The following GPR158 variants were observed in gnomAD, a reference collection of about 807,000 sequenced individuals.
The protein encoded by GPR158 is G protein-coupled receptor 158, also known as metabotropic glycine receptor.
A neutral mutation model predicts 78.2 loss-of-function variants in GPR158; 30 were observed. The ratio of observed to expected loss-of-function variants is 0.38; its 90% CI spans 0.29 to 0.52. The LOEUF (loss-of-function observed/expected upper bound fraction) is 0.52. Among genes scored for constraint, GPR158 ranks in the 20% least tolerant of loss-of-function variants. GPR158 has a pLI of 0.83. For missense variants in GPR158, 1,463 were observed against 1,523.5 expected (o/e 0.96, Z 0.66); for synonymous variants, 581 against 591.1 (o/e 0.98, Z 0.25).
intron 4 of GPR158, among the ~76,000 whole-genome samples, chr10:25,429,830 T>C (rs1220132214): frequency 3.5e-5 from 5 of 142,860 alleles, no homozygotes; most frequent in Non-Finnish European, 6.1e-5. Context: ...CTAAAAACTC[T>C]CAATAAATTA....
chr10:25,597,842 A>AC lies in GPR158; in HGVS notation c.2218dup (p.Leu740ProfsTer32). The AC allele has an allele frequency of 6.5e-7, 1 of 1,541,634 alleles. No individual in the cohort carries two copies. The highest frequency in any genetic ancestry group is 8.7e-7 in the Non-Finnish European group (1 of 1,148,134). Reference sequence around the variant, plus strand: ...AAGAAGATGATCACAAACAACCCCCACCTCCAGAAAAAGCGGTGCTCGAAG... The same window carrying AC: ...AAGAAGATGATCACAAACAACCCCCACCCTCCAGAAAAAGCGGTGCTCGAAG... On this transcript the variant is annotated frameshift_variant, in exon 11 of 11. Coordinates refer to ENST00000376351, the MANE Select transcript of GPR158 (RefSeq NM_020752.3). LOFTEE classifies it low-confidence loss of function (END_TRUNC).
At chr10:25,558,976 T>A (rs932961332) in intron 6 of GPR158, among the ~76,000 whole-genome samples, 4 of 152,066 alleles carry the variant, frequency 2.6e-5, no homozygotes, top group African/African-American at 4.8e-5. Flanking sequence ...TATTTGGGAG[T>A]TGTTTGGTAA....
intron 5 of GPR158, among the ~76,000 whole-genome samples, chr10:25,528,825 G>A (rs1836386239): frequency 6.6e-6 from 1 of 152,056 alleles, no homozygotes; most frequent in Non-Finnish European, 1.5e-5. Context: ...TGTTTTAAAA[G>A]AACAAAGCTA....
intron 4 of GPR158, among the ~76,000 whole-genome samples, chr10:25,420,339 G>A (rs890419800): frequency 2.7e-5 from 4 of 150,830 alleles, no homozygotes; most frequent in Non-Finnish European, 5.9e-5. Flanking sequence ...TTTTTGTAGA[G>A]ATGGAGTCTT....
At chr10:25,472,445 G>A (rs929838987) in intron 5 of GPR158, among the ~76,000 whole-genome samples, 2 of 152,126 alleles carry the variant, frequency 1.3e-5, no homozygotes, top group African/African-American at 4.8e-5. Flanking sequence ...TGGCAATGTG[G>A]GCTCTTTTTT....
chr10:25,186,318 G>A (rs956698258), intron 1 of GPR158, among the ~76,000 whole-genome samples: 11 of 152,076 alleles, frequency 7.2e-5, no homozygotes, highest in African/African-American at 2.7e-4. Context: ...AAGAACTAGA[G>A]AAGCAAGAGC....
At chr10:25,227,472 A>C (rs1853389346) in intron 2 of GPR158, among the ~76,000 whole-genome samples, 1 of 152,232 alleles carries the variant, frequency 6.6e-6, no homozygotes, top group African/African-American at 2.4e-5. Context: ...TGTCTCATGC[A>C]ACCCAGTTCT....
intron 2 of GPR158, among the ~76,000 whole-genome samples, chr10:25,299,888 A>G (rs1009611650): frequency 1.3e-5 from 2 of 152,034 alleles, no homozygotes; most frequent in Admixed American, 1.3e-4. Flanking sequence ...GTGCGGTATC[A>G]TGATCTCAGC....
rs897886449 is a variant in GPR158, at chr10:25,176,667, CG to C, written c.902+351del. ...GAGAGCAGGGAGGGGCGTTCCCCAC[CG>C]GGGGGCGATGCGACAACTTGGCGAG... On this transcript the variant is annotated intron_variant, in intron 1 of 10. Transcript: ENST00000376351. This position sits in a 1 kb window ranked among gnomAD's most constrained non-coding sequence, Gnocchi z 6.3. Among the ~76,000 whole-genome samples the C allele has an allele frequency of 4.6e-5, 7 of 152,180 alleles. No individual in the cohort carries two copies. Among genetic ancestry groups the C allele is most frequent in the South Asian group, 4.2e-4 (2 of 4,816 alleles).
chr10:25,334,304 A>T (rs527410062), intron 2 of GPR158, among the ~76,000 whole-genome samples: 103 of 152,244 alleles, frequency 6.8e-4, no homozygotes, highest in Admixed American at 2.8e-3. Flanking sequence ...TAAATGAAGA[A>T]TAAAATTTGG....
At chr10:25,254,244 G>T (rs1853862540) in intron 2 of GPR158, among the ~76,000 whole-genome samples, 1 of 151,964 alleles carries the variant, frequency 6.6e-6, no homozygotes, top group Non-Finnish European at 1.5e-5. Context: ...TATTTTCATT[G>T]AAACATCCAT....
At chr10:25,379,074 AG>A (rs1486381096) in intron 2 of GPR158, among the ~76,000 whole-genome samples, 6 of 152,072 alleles carry the variant, frequency 3.9e-5, no homozygotes, top group African/African-American at 1.4e-4. Context: ...TACAGGCATG[AG>A]CCACTGTGCC....
intron 5 of GPR158, among the ~76,000 whole-genome samples, chr10:25,475,026 T>C (rs1835563787): frequency 6.6e-6 from 1 of 152,180 alleles, no homozygotes; most frequent in African/African-American, 2.4e-5. Flanking sequence ...CTATAATCTG[T>C]AGAAGAATTG....
intron 2 of GPR158, among the ~76,000 whole-genome samples, chr10:25,379,128 G>A (rs977474943): frequency 8.5e-5 from 13 of 152,148 alleles, no homozygotes; most frequent in African/African-American, 2.6e-4. Context: ...TTCAATATAC[G>A]TCTTAAATCC....
intron 3 of GPR158, among the ~76,000 whole-genome samples, chr10:25,398,548 G>T (rs1312405686): frequency 6.6e-6 from 1 of 152,210 alleles, no homozygotes; most frequent in East Asian, 1.9e-4. Flanking sequence ...TAGAATCAGA[G>T]AATGACTATG....
At chr10:25,278,751 AG>A (rs1288064933) in intron 2 of GPR158, among the ~76,000 whole-genome samples, 1 of 151,520 alleles carries the variant, frequency 6.6e-6, no homozygotes, top group African/African-American at 2.4e-5. Context: ...AAATAATTAA[AG>A]TATTTAAATA....
rs145622025 is a variant in GPR158, at chr10:25,414,258, G to T, written c.1335+1785G>T. On this transcript the variant is annotated intron_variant, in intron 4 of 10. Transcript: ENST00000376351. ...AATGTTAATGTTACTTAGCATTGCCGGTTATTAAACCTTGCTAATTTCCCT... is the reference window on the plus strand; with the variant it reads ...AATGTTAATGTTACTTAGCATTGCCTGTTATTAAACCTTGCTAATTTCCCT... 5.3e-3 allele frequency among the ~76,000 whole-genome samples: 803 copies of T among 152,180 alleles called. 11 individuals are homozygous for T. Among genetic ancestry groups the T allele is most frequent in the African/African-American group, 0.019 (776 of 41,536 alleles).
chr10:25,498,221 T>G (rs980848306), intron 5 of GPR158, among the ~76,000 whole-genome samples: 9 of 152,342 alleles, frequency 5.9e-5, no homozygotes, highest in Admixed American at 2.0e-4. Flanking sequence ...TCCCTTTCAG[T>G]TACAGTCTGC....
At chr10:25,315,675 C>A (rs960319924) in intron 2 of GPR158, among the ~76,000 whole-genome samples, 1 of 151,892 alleles carries the variant, frequency 6.6e-6, no homozygotes, top group Non-Finnish European at 1.5e-5. Flanking sequence ...GGTTTTTTCA[C>A]TCTGTGATTT....
Sources: allele counts gnomAD v4.1 joint callset (sites outside exome capture counted in the v4.1 genomes callset), GRCh38; gene constraint gnomAD v4.1.1; non-coding constraint Gnocchi (gnomAD v3.1); transcripts MANE v1.5; gene names NCBI Gene and HGNC (gene_info 2026-07-23, HGNC 2026-07-21).